The following CIT variants were observed in gnomAD, a reference collection of about 807,000 sequenced individuals.
CIT encodes citron rho-interacting serine/threonine kinase, also known as citron Rho-interacting kinase.
In CIT, 79 loss-of-function variants were observed where a neutral mutation model predicts 272.7. That is an observed-to-expected ratio of 0.29 (90% CI 0.24 to 0.35). The LOEUF (loss-of-function observed/expected upper bound fraction) is 0.35, where lower values mean the gene tolerates loss of function less well. Ranked by LOEUF, CIT falls within the 10% of genes least tolerant of loss-of-function variation. The probability of loss-of-function intolerance (pLI) is 1.00; values close to 1 mark genes in which losing one functional copy is unlikely to be tolerated. For synonymous variants in CIT, 948 were observed against 995.6 expected (o/e 0.95, Z 0.90); for missense variants, 1,909 against 2,618.3 (o/e 0.73, Z 5.91).
intron 39 of CIT, among the ~76,000 whole-genome samples, chr12:119,708,642 C>T (rs182473708): frequency 1.2e-3 from 187 of 152,138 alleles, no homozygotes; most frequent in African/African-American, 4.1e-3. Flanking sequence ...CATGCTACCA[C>T]GCCTGGCTAA....
At chr12:119,845,094 T>A (rs558491579) in intron 5 of CIT, among the ~76,000 whole-genome samples, 1 of 152,086 alleles carries the variant, frequency 6.6e-6, no homozygotes, top group South Asian at 2.1e-4. Context: ...AACTCCAGCC[T>A]TGGCAACAGA....
At chr12:119,765,720 T>C (rs1488247962) in intron 19 of CIT, among the ~76,000 whole-genome samples, 1 of 151,726 alleles carries the variant, frequency 6.6e-6, no homozygotes, top group Non-Finnish European at 1.5e-5. Flanking sequence ...GATTCACCCA[T>C]CTCGGCCTCC....
chr12:119,704,261 C>A, intron 41 of CIT, 102 bp downstream of exon 41: 1 of 1,075,004 alleles, frequency 9.3e-7, no homozygotes, highest in Non-Finnish European at 1.4e-6. Context: ...AGAAGGAACC[C>A]AGTACAGGCT....
intron 28 of CIT, among the ~76,000 whole-genome samples, chr12:119,724,641 C>T (rs7132361): frequency 0.012 from 1,848 of 152,118 alleles, 38 homozygotes; most frequent in African/African-American, 0.043. Context: ...CAGATAGTGG[C>T]TATAAAGTGT....
intron 26 of CIT, among the ~76,000 whole-genome samples, chr12:119,731,333 A>G (rs1958424269): frequency 6.7e-6 from 1 of 149,250 alleles, no homozygotes; most frequent in African/African-American, 2.5e-5. Context: ...AAAATTAGCC[A>G]GGCATAGTGG....
At position 119,713,745 on chromosome 12, in the gene CIT, C is replaced by G; in HGVS notation, c.4307-97G>C. 1 of 1,334,038 alleles carries G rather than the reference C, an allele frequency of 7.5e-7. No homozygotes were observed. The highest frequency in any genetic ancestry group is 1.1e-6 in the Non-Finnish European group (1 of 933,522). 82.6% of individuals were successfully genotyped at this position (1,334,038 alleles called of 1,614,324 possible). A position where few individuals can be genotyped will look rare whatever the true frequency, so the allele number is the denominator to read the frequency against. ...AACGCCTGGGCTTCTCTACCCCAGCCGGGCCCAGAGAGTCTGGCCCTGGCT... is the reference window on the plus strand; with the variant it reads ...AACGCCTGGGCTTCTCTACCCCAGCGGGGCCCAGAGAGTCTGGCCCTGGCT... On this transcript the variant is annotated intron_variant, in intron 33 of 47. Coordinates refer to ENST00000392521, the MANE Select transcript of CIT (RefSeq NM_001206999.2). The surrounding 1 kb of genome is among the most constrained non-coding windows in gnomAD (Gnocchi z 5.2).
chr12:119,729,451 T>G (rs1351116304), intron 27 of CIT, among the ~76,000 whole-genome samples: 1 of 152,238 alleles, frequency 6.6e-6, no homozygotes, highest in Non-Finnish European at 1.5e-5. Context: ...ACAAGTATAA[T>G]GATTCAAGTA....
intron 9 of CIT, among the ~76,000 whole-genome samples, chr12:119,816,539 G>A (rs1400307227): frequency 6.6e-6 from 1 of 152,126 alleles, no homozygotes; most frequent in Non-Finnish European, 1.5e-5. Flanking sequence ...ACTCTAATAT[G>A]CACAGAAATC....
intron 37 of CIT, chr12:119,711,129 G>A (rs1208739612): frequency 7.3e-7 from 1 of 1,363,876 alleles, no homozygotes; most frequent in East Asian, 4.5e-5. Flanking sequence ...TTCAGTAAAA[G>A]CTCACGTGTG....
At chr12:119,709,781 AGAGAGAGTGT>A (rs1957062144) in intron 39 of CIT, among the ~76,000 whole-genome samples, 1 of 58,232 alleles carries the variant, frequency 1.7e-5, no homozygotes, top group Non-Finnish European at 3.5e-5. Flanking sequence ...AGAGAGAGAG[AGAGAGAGTGT>A]GTGTGTGTGT....
chr12:119,728,278 T>C lies in CIT; in HGVS notation c.3591+224A>G, dbSNP rs1209782537. On this transcript the variant is annotated intron_variant, in intron 28 of 47. Coordinates refer to ENST00000392521, the MANE Select transcript of CIT (RefSeq NM_001206999.2). The surrounding 1 kb of genome is among the most constrained non-coding windows in gnomAD (Gnocchi z 4.3). Reference sequence around the variant, plus strand: ...AATTTAAACTATGCATTTGGGGTGATGACGATGTGTCAGTGCAGGCCCATT... The same window carrying C: ...AATTTAAACTATGCATTTGGGGTGACGACGATGTGTCAGTGCAGGCCCATT... 6.6e-6 allele frequency among the ~76,000 whole-genome samples: 1 copy of C among 152,190 alleles called. No homozygotes were observed. Among genetic ancestry groups the C allele is most frequent in the African/African-American group, 2.4e-5 (1 of 41,446 alleles).
chr12:119,701,661 G>T lies in CIT; in HGVS notation c.5505C>A (p.Ser1835Arg). 6.2e-7 allele frequency: 1 copy of T among 1,614,198 alleles called. No homozygotes were observed. The highest frequency in any genetic ancestry group is 1.1e-5 in the South Asian group (1 of 91,088). The change falls in exon 43 of 48, where the codon AGC becomes AGA. Residue 1835 changes from serine to arginine, a missense_variant. Ser to Arg is a moderately radical substitution (Grantham distance 110). This residue lies in a region of CIT where 780 missense variants were observed against 1,067.2 expected (regional missense o/e 0.73). Coordinates refer to ENST00000392521, the MANE Select transcript of CIT (RefSeq NM_001206999.2). The part of the protein sequence containing the change: ...SFPVSIVQVN[S>R]AGQREEYLLC... Reference sequence around the variant, plus strand: ...GCAAGTACTCCTCTCGCTGCCCTGCGCTGTTCACCTGCACGATTGAGACAG... The same window carrying T: ...GCAAGTACTCCTCTCGCTGCCCTGCTCTGTTCACCTGCACGATTGAGACAG...
chr12:119,802,512 T>G (rs1050775836), intron 10 of CIT, among the ~76,000 whole-genome samples: 4 of 152,060 alleles, frequency 2.6e-5, no homozygotes, highest in South Asian at 2.1e-4. Flanking sequence ...AGTCTCCTGG[T>G]TTTTTTTCCC....
intron 9 of CIT, among the ~76,000 whole-genome samples, chr12:119,809,958 G>A (rs1307635098): frequency 6.6e-6 from 1 of 152,180 alleles, no homozygotes. Flanking sequence ...GGGAGGGCGT[G>A]GAAGCTCGCA....
intron 43 of CIT, among the ~76,000 whole-genome samples, chr12:119,701,367 G>C (rs1956562309): frequency 6.6e-6 from 1 of 152,246 alleles, no homozygotes; most frequent in Middle Eastern, 3.4e-3. Flanking sequence ...AAAGGAAAGG[G>C]AGAGAAAGAA....
chr12:119,865,024 T>C (rs1427194708), intron 3 of CIT, among the ~76,000 whole-genome samples: 2 of 152,056 alleles, frequency 1.3e-5, no homozygotes, highest in African/African-American at 4.8e-5. Context: ...CTTCTCCACG[T>C]AGAAAAACAA....
rs1957673235 is a variant in CIT, at chr12:119,718,652, C to CT, written c.4003+46dup. On this transcript the variant is annotated intron_variant, in intron 31 of 47. Transcript: ENST00000392521. This position sits in a 1 kb window ranked among gnomAD's most constrained non-coding sequence, Gnocchi z 4.8. ...GGCTGATCTCACTGAGATCAATCCT[C>CT]TGCCTTTTCCACATCCTTGAGCATT... 2 of 1,609,224 alleles carry CT rather than the reference C, an allele frequency of 1.2e-6. No homozygotes were observed. The highest frequency in any genetic ancestry group is 1.7e-6 in the Non-Finnish European group (2 of 1,177,814).
chr12:119,688,202 A>C lies in CIT; in HGVS notation c.*30T>G. On this transcript the variant is annotated 3_prime_UTR_variant, in exon 48 of 48. Coordinates refer to ENST00000392521, the MANE Select transcript of CIT (RefSeq NM_001206999.2). The stretch of plus-strand genomic sequence containing the variant: ...GTGTTTGGTGTTTTCCTGCAGATCA[A>C]GATGAGGAGTTGGTTTTTCTGGCTG... 6.2e-7 allele frequency: 1 copy of C among 1,608,508 alleles called. No individual in the cohort carries two copies. Among genetic ancestry groups the C allele is most frequent in the Non-Finnish European group, 8.5e-7 (1 of 1,174,812 alleles).
At position 119,724,930 on chromosome 12, in the gene CIT, CAAAAAAAAAAAAA is replaced by C. The variant is rs35757526; in HGVS notation, c.3592-3494_3592-3482del. Reference sequence around the variant, plus strand: ...TGGGCGACAGAGCGAGACTCCATCTCAAAAAAAAAAAAAAAAAAAAAAAAAAAGTGTCATGTTG... The same window carrying C: ...TGGGCGACAGAGCGAGACTCCATCTCAAAAAAAAAAAAAAGTGTCATGTTG... On this transcript the variant is annotated intron_variant, in intron 28 of 47. Transcript: ENST00000392521. 5.9e-3 allele frequency among the ~76,000 whole-genome samples: 261 copies of C among 44,558 alleles called. 1 individual carries two copies. Among genetic ancestry groups the C allele is most frequent in the Admixed American group, 8.9e-3 (26 of 2,918 alleles). 29.2% of individuals were successfully genotyped at this position (44,558 alleles called of 152,430 possible). A position where few individuals can be genotyped will look rare whatever the true frequency, so the allele number is the denominator to read the frequency against.
Sources: allele counts gnomAD v4.1 joint callset (sites outside exome capture counted in the v4.1 genomes callset), GRCh38; gene constraint gnomAD v4.1.1; regional missense constraint gnomAD v4.1.1; non-coding constraint Gnocchi (gnomAD v3.1); transcripts MANE v1.5; gene names NCBI Gene and HGNC (gene_info 2026-07-23, HGNC 2026-07-21).